MORN1: variants seen among roughly 807,000 people sequenced by gnomAD.
The protein encoded by MORN1 is MORN repeat containing 1.
In MORN1, 67 loss-of-function variants were observed where a neutral mutation model predicts 61.9. The observed-to-expected ratio is 1.08, with a 90% CI of 0.89 to 1.33. MORN1 has a LOEUF of 1.33. MORN1 is among the 40% of genes most tolerant of loss of function. MORN1 has a pLI of 0.00. For synonymous variants in MORN1, 301 were observed against 292.0 expected (o/e 1.03, Z -0.31); for missense variants, 752 against 691.2 (o/e 1.09, Z -0.99).
intron 6 of MORN1, among the ~76,000 whole-genome samples, chr1:2,384,399 C>T (rs756389001): frequency 6.6e-6 from 1 of 152,232 alleles, no homozygotes; most frequent in Non-Finnish European, 1.5e-5. Flanking sequence ...GGGCCTGTCA[C>T]AGACCAGAAT....
rs370487027 is a variant in MORN1, at chr1:2,337,160, C to T, written c.1037-310G>A. ...GGAAGGGTCTCCCATCAGCAGCCCC[C>T]GTCAGCCGAGGCACTCGCTTCCAGG... On this transcript the variant is annotated intron_variant, in intron 10 of 13. Transcript: ENST00000378531. The surrounding 1 kb of genome is among the most constrained non-coding windows in gnomAD (Gnocchi z 5.7). Among the ~76,000 whole-genome samples the T allele has an allele frequency of 3.9e-4, 59 of 152,282 alleles. No individual in the cohort carries two copies. In the East Asian group the frequency reaches 8.1e-3, roughly 21 times the overall value.
At chr1:2,342,885 TA>T (rs1446889843) in intron 10 of MORN1, among the ~76,000 whole-genome samples, 1 of 135,730 alleles carries the variant, frequency 7.4e-6, no homozygotes, top group African/African-American at 2.6e-5. Context: ...TATTTTATTT[TA>T]TTTTATTTTA....
intron 8 of MORN1, chr1:2,371,589 C>A (rs1642124061): frequency 6.6e-6 from 1 of 152,192 alleles, no homozygotes; most frequent in Non-Finnish European, 1.5e-5. Flanking sequence ...AATGCTGCAG[C>A]AATTTTGGAA....
At chr1:2,376,477 A>C (rs2843165) in intron 6 of MORN1, 63,146 of 151,878 alleles carry the variant, frequency 0.42, 14,713 homozygotes, top group East Asian at 0.67. Flanking sequence ...GCTGCGGGGC[A>C]GGGCTGACAC....
chr1:2,377,036 A>C (rs1243030414), intron 6 of MORN1: 1 of 152,116 alleles, frequency 6.6e-6, no homozygotes, highest in East Asian at 1.9e-4. Context: ...GTCCAGGCCG[A>C]TGCCCAGCGT....
intron 7 of MORN1, among the ~76,000 whole-genome samples, chr1:2,373,090 C>T (rs1197745664): frequency 2.0e-5 from 3 of 152,182 alleles, no homozygotes; most frequent in Non-Finnish European, 4.4e-5. Context: ...TGCAGGGCAT[C>T]GCTGTGGGTG....
At chr1:2,348,178 C>T (rs760343527) in intron 10 of MORN1, among the ~76,000 whole-genome samples, 58 of 152,216 alleles carry the variant, frequency 3.8e-4, no homozygotes, top group Non-Finnish European at 7.1e-4. Context: ...CTGGCGTCTT[C>T]GAAGCTTCCA....
At chr1:2,350,086 C>A (rs1641612801) in intron 10 of MORN1, among the ~76,000 whole-genome samples, 1 of 152,020 alleles carries the variant, frequency 6.6e-6, no homozygotes, top group African/African-American at 2.4e-5. Flanking sequence ...ACCCCACTGA[C>A]AACAAGGGAC....
intron 6 of MORN1, among the ~76,000 whole-genome samples, chr1:2,379,631 G>C (rs1052343452): frequency 6.6e-6 from 1 of 152,188 alleles, no homozygotes; most frequent in African/African-American, 2.4e-5. Context: ...GGGAGACCGG[G>C]TGCGCAGTGG....
At position 2,323,816 on chromosome 1, in the gene MORN1, T is replaced by C; in HGVS notation, c.1297+281A>G. ...AAGGCCTCCGAGTCCCCGTGCTCCCTGCCCCCGTGGCTTCCTCCTTTCTAG... is the reference window on the plus strand; with the variant it reads ...AAGGCCTCCGAGTCCCCGTGCTCCCCGCCCCCGTGGCTTCCTCCTTTCTAG... On this transcript the variant is annotated intron_variant, in intron 13 of 13. Transcript: ENST00000378531. 3 of 985,272 alleles carry C rather than the reference T, an allele frequency of 3.0e-6. No individual in the cohort carries two copies. In the South Asian group the frequency reaches 1.4e-4, roughly 46 times the overall value. The allele number at this position is 985,272 out of a possible 1,614,324, so 61.0% of individuals were successfully genotyped here. A position where few individuals can be genotyped will look rare whatever the true frequency, so the allele number is the denominator to read the frequency against.
intron 10 of MORN1, chr1:2,351,931 C>T (rs1021135793): frequency 3.5e-5 from 18 of 520,312 alleles, no homozygotes; most frequent in Admixed American, 1.1e-4. Flanking sequence ...AGGCCACCCA[C>T]GGGCCCACCA....
At chr1:2,323,808 G>A (rs570621644) in intron 13 of MORN1, 6 of 985,210 alleles carry the variant, frequency 6.1e-6, no homozygotes, top group African/African-American at 1.7e-5. Context: ...CCGAGTCCCC[G>A]TGCTCCCTGC....
At chr1:2,322,456 G>A (rs1207294317) in intron 13 of MORN1, 1 of 985,242 alleles carries the variant, frequency 1.0e-6, no homozygotes, top group African/African-American at 1.7e-5. Flanking sequence ...GGCCTCCTCG[G>A]CCAGGCCACG....
chr1:2,359,882 C>CAA (rs59233224), intron 8 of MORN1, among the ~76,000 whole-genome samples: 24,861 of 136,282 alleles, frequency 0.18, 2,566 homozygotes, highest in Non-Finnish European at 0.25. Context: ...GACTCCGTCT[C>CAA]AAAAAAAAAA....
intron 12 of MORN1, among the ~76,000 whole-genome samples, chr1:2,331,736 G>C (rs1356004410): frequency 1.3e-5 from 2 of 152,154 alleles, no homozygotes; most frequent in Non-Finnish European, 2.9e-5. Context: ...CCTGAGAGTT[G>C]TAACAAAGGC....
At chr1:2,355,338 C>T (rs780177073) in intron 10 of MORN1, 13 of 1,514,126 alleles carry the variant, frequency 8.6e-6, no homozygotes, top group Middle Eastern at 2.0e-4. Flanking sequence ...GGAGTGGCGC[C>T]GGGCCCTGCT....
intron 13 of MORN1, chr1:2,323,227 G>A: frequency 1.0e-6 from 1 of 985,370 alleles, no homozygotes; most frequent in Non-Finnish European, 1.2e-6. Context: ...CGTCACCAAG[G>A]CCTCACTGGC....
intron 10 of MORN1, among the ~76,000 whole-genome samples, chr1:2,339,866 C>T (rs780851913): frequency 1.8e-4 from 28 of 152,242 alleles, no homozygotes; most frequent in African/African-American, 2.9e-4. Context: ...AACGAGGGCA[C>T]GGGAAGGCCC....
chr1:2,329,998 A>C (rs1641115978), intron 12 of MORN1, among the ~76,000 whole-genome samples: 1 of 152,074 alleles, frequency 6.6e-6, no homozygotes, highest in African/African-American at 2.4e-5. Flanking sequence ...GCTCCGGGTG[A>C]GGGGGGACCC....
Sources: gnomAD v4.1 joint callset for allele counts (sites outside exome capture counted in the v4.1 genomes callset) on GRCh38, gnomAD v4.1.1 for gene constraint, Gnocchi (gnomAD v3.1) non-coding constraint, MANE v1.5 for transcripts, NCBI Gene and HGNC (gene_info 2026-07-23, HGNC 2026-07-21) for gene names.